AGMO: variants seen among roughly 807,000 people sequenced by gnomAD.
AGMO encodes alkylglycerol monooxygenase, also known as glyceryl-ether monooxygenase.
A neutral mutation model predicts 60.2 loss-of-function variants in AGMO; 75 were observed. The observed-to-expected ratio is 1.25, with a 90% confidence interval of 1.03 to 1.51. The LOEUF is 1.51. Ranked by LOEUF, AGMO falls within the 40% of genes most tolerant of loss-of-function variation. The pLI, the probability that AGMO is intolerant of heterozygous loss-of-function variation, is 0.00. For missense variants in AGMO, 763 were observed against 525.5 expected (o/e 1.45, Z -4.42); for synonymous variants, 261 against 177.1 (o/e 1.47, Z -3.76).
At chr7:15,364,845 G>A (rs1208782901) in intron 12 of AGMO, among the ~76,000 whole-genome samples, 1 of 152,040 alleles carries the variant, frequency 6.6e-6, no homozygotes, top group Non-Finnish European at 1.5e-5. Context: ...TTCTGGTGAT[G>A]TTGGCAGGTG....
chr7:15,142,657 A>G, the AGMO span, among the ~76,000 whole-genome samples: 1 of 152,248 alleles, frequency 6.6e-6, no homozygotes, highest in African/African-American at 2.4e-5. Context: ...GCACAAAAGG[A>G]TATGTGTCCT....
chr7:15,360,714 A>C (rs1314983012), intron 12 of AGMO, among the ~76,000 whole-genome samples: 1 of 152,040 alleles, frequency 6.6e-6, no homozygotes, highest in Non-Finnish European at 1.5e-5. Flanking sequence ...TTATTGAAAA[A>C]AAAATCCACA....
chr7:15,380,582 T>G (rs1256344183), intron 10 of AGMO, among the ~76,000 whole-genome samples: 1 of 152,132 alleles, frequency 6.6e-6, no homozygotes, highest in South Asian at 2.1e-4. Context: ...AATGGCCATA[T>G]TGCTCAAAGC....
At chr7:15,152,998 C>G in the AGMO span, among the ~76,000 whole-genome samples, 1 of 151,996 alleles carries the variant, frequency 6.6e-6, no homozygotes, top group South Asian at 2.1e-4. Flanking sequence ...ACATCCACAG[C>G]AACATCTATT....
At chr7:15,486,395 C>A (rs142402125) in intron 3 of AGMO, among the ~76,000 whole-genome samples, 1 of 152,094 alleles carries the variant, frequency 6.6e-6, no homozygotes, top group African/African-American at 2.4e-5. Context: ...AGTAAACAAG[C>A]TTGAGAAAGT....
At chr7:15,529,420 C>A (rs756511364) in intron 3 of AGMO, among the ~76,000 whole-genome samples, 36 of 148,324 alleles carry the variant, frequency 2.4e-4, no homozygotes, top group Non-Finnish European at 4.8e-4. Context: ...ACTAAAGTAA[C>A]TGGGTAGTTT....
intron 12 of AGMO, among the ~76,000 whole-genome samples, chr7:15,349,324 C>T (rs949822857): frequency 6.6e-5 from 10 of 152,102 alleles, no homozygotes; most frequent in African/African-American, 2.2e-4. Context: ...TATCTGGAAC[C>T]ACTGTGAGTG....
chr7:15,351,428 G>A (rs1412602085), intron 12 of AGMO, among the ~76,000 whole-genome samples: 1 of 152,090 alleles, frequency 6.6e-6, no homozygotes, highest in Non-Finnish European at 1.5e-5. Flanking sequence ...GATTCTCAGG[G>A]GTGAGGAGAA....
chr7:15,554,784 T>A (rs1785077247), intron 2 of AGMO, among the ~76,000 whole-genome samples: 1 of 152,036 alleles, frequency 6.6e-6, no homozygotes, highest in Admixed American at 6.6e-5. Flanking sequence ...GAAATAAATG[T>A]TATTTGGGGA....
chr7:15,368,892 C>T (rs1346038886), intron 10 of AGMO, among the ~76,000 whole-genome samples: 1 of 152,108 alleles, frequency 6.6e-6, no homozygotes, highest in East Asian at 1.9e-4. Context: ...CAACTTGATG[C>T]AGGAATCCAC....
chr7:15,201,975 A>G (rs953640489), intron 12 of AGMO, among the ~76,000 whole-genome samples: 1 of 152,268 alleles, frequency 6.6e-6, no homozygotes, highest in East Asian at 1.9e-4. Context: ...GGCTCTGGTC[A>G]TGGTCTTTGC....
intron 3 of AGMO, among the ~76,000 whole-genome samples, chr7:15,452,904 G>C (rs1781892655): frequency 6.6e-6 from 1 of 152,186 alleles, no homozygotes; most frequent in Non-Finnish European, 1.5e-5. Flanking sequence ...TAAAAGGAAT[G>C]AAGTGATACA....
At chr7:15,496,940 T>C (rs954150129) in intron 3 of AGMO, among the ~76,000 whole-genome samples, 7 of 152,288 alleles carry the variant, frequency 4.6e-5, no homozygotes, top group Non-Finnish European at 8.8e-5. Flanking sequence ...ATGCCCCATA[T>C]ACTTGAGCCT....
At chr7:15,352,506 G>C (rs1782282510) in intron 12 of AGMO, among the ~76,000 whole-genome samples, 1 of 150,762 alleles carries the variant, frequency 6.6e-6, no homozygotes, top group African/African-American at 2.4e-5. Context: ...CAGCTTTTCA[G>C]AGGGAACTGG....
intron 12 of AGMO, among the ~76,000 whole-genome samples, chr7:15,232,331 C>T (rs1563046334): frequency 6.6e-6 from 1 of 152,166 alleles, no homozygotes; most frequent in South Asian, 2.1e-4. Context: ...AAGTGACTTG[C>T]ACAAGGTCAT....
At chr7:15,208,861 T>C (rs1250919581) in intron 12 of AGMO, among the ~76,000 whole-genome samples, 1 of 152,222 alleles carries the variant, frequency 6.6e-6, no homozygotes, top group Non-Finnish European at 1.5e-5. Context: ...GAATAAGATG[T>C]TGCTGGATTC....
At chr7:15,383,258 A>C (rs1002346213) in intron 10 of AGMO, among the ~76,000 whole-genome samples, 1 of 152,134 alleles carries the variant, frequency 6.6e-6, no homozygotes, top group African/African-American at 2.4e-5. Context: ...TTACAGGAGA[A>C]TTTGCACTCA....
chr7:15,208,617 A>T (rs942933082), intron 12 of AGMO, among the ~76,000 whole-genome samples: 1 of 152,170 alleles, frequency 6.6e-6, no homozygotes, highest in African/African-American at 2.4e-5. Flanking sequence ...TGATGGGCAA[A>T]CCATTCAAAA....
chr7:15,545,943 A>G (rs1784770231), intron 2 of AGMO, among the ~76,000 whole-genome samples: 1 of 152,032 alleles, frequency 6.6e-6, no homozygotes, highest in Admixed American at 6.5e-5. Flanking sequence ...TTTGGTGCTG[A>G]AAATTCTGAG....
Sources: allele counts gnomAD v4.1 joint callset (sites outside exome capture counted in the v4.1 genomes callset), GRCh38; gene constraint gnomAD v4.1.1; transcripts MANE v1.5; gene names NCBI Gene and HGNC (gene_info 2026-07-23, HGNC 2026-07-21).